Variants in SCRIB observed in about 807,000 individuals in gnomAD.
SCRIB encodes the protein scribble planar cell polarity protein.
A neutral mutation model predicts 170.0 loss-of-function variants in SCRIB; 72 were observed. The ratio of observed to expected loss-of-function variants is 0.42; its 90% confidence interval spans 0.35 to 0.52. The LOEUF (loss-of-function observed/expected upper bound fraction) is 0.52. Ranked by LOEUF, SCRIB falls within the 20% of genes least tolerant of loss-of-function variation. The probability of loss-of-function intolerance (pLI) is 0.02; values close to 1 mark genes in which losing one functional copy is unlikely to be tolerated. For missense variants in SCRIB, 2,475 were observed against 2,338.5 expected (o/e 1.06, Z -1.20); for synonymous variants, 1,298 against 1,044.3 (o/e 1.24, Z -4.68).
chr8:143,795,644 T>C lies in SCRIB; in HGVS notation c.3604-114A>G. ...AGCAACGGTGAGCCCAGGAGCCGCG[T>C]CCCTGGGCAGGGCTGACCGCGTGGC... On this transcript the variant is annotated intron_variant, in intron 24 of 36. Transcript: ENST00000356994. 4.4e-6 allele frequency: 4 copies of C among 915,424 alleles called. No individual in the cohort carries two copies. In the Admixed American group the frequency reaches 8.2e-5, roughly 19 times the overall value. 56.7% of individuals were successfully genotyped at this position (915,424 alleles called of 1,614,324 possible). A position where few individuals can be genotyped will look rare whatever the true frequency, so the allele number is the denominator to read the frequency against.
chr8:143,792,358 C>T lies in SCRIB; in HGVS notation c.4376G>A (p.Arg1459Gln), dbSNP rs781935592. Residue 1459 changes from arginine (R) to glutamine (Q), a missense_variant, in exon 32 of 37, where the codon CGG (arginine) becomes CAG (glutamine). Arg to Gln is a conservative substitution (Grantham distance 43). Around this residue, in one of 3 missense-constraint regions of SCRIB, gnomAD observed 1,966 missense variants for 1,742.9 expected, o/e 1.13. Coordinates refer to ENST00000356994, the MANE Select transcript of SCRIB (RefSeq NM_182706.5). ...PPPLGGGAPV[R>Q]TAKAERRHQE... The stretch of plus-strand genomic sequence containing the variant: ...GTGGCGCCGTTCAGCTTTGGCCGTC[C>T]GCACCGGGGCGCCACCTCCCAGGGG... 9.8e-6 allele frequency: 15 copies of T among 1,528,932 alleles called. No individual in the cohort carries two copies. The highest frequency in any genetic ancestry group is 7.3e-5 in the South Asian group (6 of 82,668). 94.7% of individuals were successfully genotyped at this position (1,528,932 alleles called of 1,614,324 possible). A position where few individuals can be genotyped will look rare whatever the true frequency, so the allele number is the denominator to read the frequency against.
At chr8:143,795,674 G>A in intron 24 of SCRIB, 144 bp from the exon 25 acceptor site, 1 of 712,340 alleles carries the variant, frequency 1.4e-6, no homozygotes, top group Non-Finnish European at 2.4e-6. Flanking sequence ...CGTGGCTGGG[G>A]CAGCCTTGGA....
chr8:143,814,810 T>C (rs1815981525), intron 1 of SCRIB: 2 of 203,408 alleles, frequency 9.8e-6, no homozygotes, highest in African/African-American at 4.6e-5. Flanking sequence ...AAAGAGTACA[T>C]CAAGAGGGCT....
At chr8:143,814,342 C>A (rs184897358) in intron 1 of SCRIB, among the ~76,000 whole-genome samples, 14 of 152,140 alleles carry the variant, frequency 9.2e-5, no homozygotes, top group Admixed American at 6.5e-4. Flanking sequence ...TCACACCAGC[C>A]TCCACTCTGA....
In SCRIB at chr8:143,805,439, C is replaced by T. The variant is rs782195801; in HGVS notation, c.2347-4G>A. On this transcript the variant is annotated splice_region_variant and splice_polypyrimidine_tract_variant and intron_variant, in intron 18 of 36. Coordinates refer to ENST00000356994, the MANE Select transcript of SCRIB (RefSeq NM_182706.5). Reference sequence around the variant, plus strand: ...CCTGCAGAGCCACACCATTCACCTGCGGGCCAGGGACCACGTGCGTATTCA... The same window carrying T: ...CCTGCAGAGCCACACCATTCACCTGTGGGCCAGGGACCACGTGCGTATTCA... The T allele has an allele frequency of 6.9e-5, 102 of 1,484,128 alleles. No homozygotes were observed. The highest frequency in any genetic ancestry group is 8.3e-5 in the Non-Finnish European group (93 of 1,119,358). The allele number at this position is 1,484,128 out of a possible 1,614,324, so 91.9% of individuals were successfully genotyped here.
intron 24 of SCRIB, among the ~76,000 whole-genome samples, chr8:143,800,385 A>G (rs1166074796): frequency 6.6e-6 from 1 of 152,190 alleles, no homozygotes; most frequent in Non-Finnish European, 1.5e-5. Context: ...AGTCCCTCAG[A>G]GCTGAGCACA....
intron 24 of SCRIB, 143 bp downstream of exon 24, chr8:143,803,240 C>G: frequency 1.3e-6 from 1 of 794,424 alleles, no homozygotes. Flanking sequence ...CTCCCCAGCC[C>G]GCACGGCTGA....
In SCRIB at chr8:143,793,052, G is replaced by A. The variant is rs1159063077; in HGVS notation, c.3941C>T (p.Pro1314Leu). The change falls in exon 29 of 37, where the codon CCC becomes CTC. Residue 1314 changes from proline to leucine, a missense_variant. Physicochemically the swap from Pro to Leu is moderately conservative, Grantham distance 98 (BLOSUM62 -3). Transcript: ENST00000356994. ...PPSPPSPDEL[P>L]ANVKQAYRAF... ...CCTGTAGGCCTGCTTCACATTGGCG[G>A]GCAGCTCATCCGGAGAAGGCGGGGA... The A allele has an allele frequency of 7.3e-6, 11 of 1,498,464 alleles. 1 individual carries two copies. The highest frequency in any genetic ancestry group is 1.4e-5 in the African/African-American group (1 of 70,940). 92.8% of individuals were successfully genotyped at this position (1,498,464 alleles called of 1,614,324 possible). A position where few individuals can be genotyped will look rare whatever the true frequency, so the allele number is the denominator to read the frequency against.
chr8:143,800,152 G>A (rs1815115016), intron 24 of SCRIB, among the ~76,000 whole-genome samples: 1 of 151,876 alleles, frequency 6.6e-6, no homozygotes, highest in East Asian at 1.9e-4. Flanking sequence ...ACATGGCGTG[G>A]ACTCCTGATG....
In SCRIB at chr8:143,809,687, C is replaced by T; in HGVS notation, c.1562G>A (p.Ser521Asn). 1 of 1,610,624 alleles carries T rather than the reference C, an allele frequency of 6.2e-7. No individual in the cohort carries two copies. The highest frequency in any genetic ancestry group is 8.5e-7 in the Non-Finnish European group (1 of 1,179,906). ...EKRLSAESGLSEDSRPSASTV... is the reference protein window; with the variant it reads ...EKRLSAESGLNEDSRPSASTV... ...GCTGGCAGATGGGCGAGAGTCTTCACTCAGGCCAGACTCGGCACTCAGCCG... is the reference window on the plus strand; with the variant it reads ...GCTGGCAGATGGGCGAGAGTCTTCATTCAGGCCAGACTCGGCACTCAGCCG... Residue 521 changes from serine (S) to asparagine (N), a missense_variant, in exon 14 of 37, where the codon AGT (serine) becomes AAT (asparagine). This residue lies in a region of SCRIB where 1,966 missense variants were observed against 1,742.9 expected (regional missense o/e 1.13). Transcript: ENST00000356994.
chr8:143,796,862 G>A (rs546785647), intron 24 of SCRIB, among the ~76,000 whole-genome samples: 9 of 152,296 alleles, frequency 5.9e-5, no homozygotes, highest in Admixed American at 5.9e-4. Context: ...ATGTCAGAGA[G>A]AGCTGTTCAA....
chr8:143,805,270 C>T lies in SCRIB; in HGVS notation c.2512G>A (p.Glu838Lys), dbSNP rs782353540. The T allele has an allele frequency of 6.4e-7, 1 of 1,554,188 alleles. No individual in the cohort carries two copies. Residue 838 changes from glutamate (E) to lysine (K), a missense_variant, in exon 19 of 37, where the codon GAG becomes AAG. Glu to Lys is a moderately conservative substitution (Grantham distance 56). Coordinates refer to ENST00000356994, the MANE Select transcript of SCRIB (RefSeq NM_182706.5). ...LRPEDDYSPR[E>K]RRGGGLRLPL... ...AGGCGCAGCCCCCCTCCCCGCCGCT[C>T]TCGGGGGCTGTAATCATCCTCGGGC... is the stretch of plus-strand genomic sequence containing the variant.
chr8:143,802,023 G>A (rs1333266041), intron 24 of SCRIB, among the ~76,000 whole-genome samples: 3 of 152,232 alleles, frequency 2.0e-5, no homozygotes, highest in South Asian at 2.1e-4. Flanking sequence ...GAGGGAGCTC[G>A]CTCCCTCTCT....
intron 11 of SCRIB, 27 bp from the exon 12 acceptor site, chr8:143,810,843 G>A (rs771266507): frequency 1.2e-6 from 2 of 1,605,110 alleles, no homozygotes; most frequent in Non-Finnish European, 1.7e-6. Context: ...TCAGGACCCA[G>A]GCTAGTCCCC....
chr8:143,806,882 C>A, intron 17 of SCRIB, 42 bp downstream of exon 17: 1 of 1,366,126 alleles, frequency 7.3e-7, no homozygotes, highest in Non-Finnish European at 1.0e-6. Context: ...TGTGGTGGGG[C>A]AGGCCAGTGG....
At chr8:143,805,925 G>A (rs1815403910) in intron 18 of SCRIB, among the ~76,000 whole-genome samples, 1 of 152,198 alleles carries the variant, frequency 6.6e-6, no homozygotes, top group African/African-American at 2.4e-5. Flanking sequence ...CCCTCAGTGT[G>A]TCCCTACAAG....
chr8:143,814,172 A>G, intron 1 of SCRIB, 54 bp from the exon 2 acceptor site: 3 of 1,424,486 alleles, frequency 2.1e-6, no homozygotes, highest in Middle Eastern at 2.1e-4. Flanking sequence ...AGAGCAGAGA[A>G]GAGCTCCTGG....
In SCRIB at chr8:143,792,070, GC is replaced by G; in HGVS notation, c.4577del (p.Gly1526AlafsTer73). 1 of 1,594,564 alleles carries G rather than the reference GC, an allele frequency of 6.3e-7. No homozygotes were observed. The highest frequency in any genetic ancestry group is 8.5e-7 in the Non-Finnish European group (1 of 1,175,994). The stretch of plus-strand genomic sequence containing the variant: ...GCTCCAGGGGCCCCCGCGTGCCCCG[GC>G]CTTCCTGGGACCTGCTGAGGACCAT... ...AQMVLSRSQE[G>X]RGTRGPLERL... On this transcript the variant is annotated frameshift_variant, in exon 33 of 37. Transcript: ENST00000356994. LOFTEE classifies it high-confidence loss of function.
intron 30 of SCRIB, 34 bp from the exon 31 acceptor site, chr8:143,792,669 G>T (rs1449798683): frequency 6.3e-7 from 1 of 1,591,622 alleles, no homozygotes; most frequent in Non-Finnish European, 8.5e-7. Flanking sequence ...GGCCAGACCA[G>T]CCGAGACCCA....
Sources: allele counts gnomAD v4.1 joint callset (sites outside exome capture counted in the v4.1 genomes callset), GRCh38; gene constraint gnomAD v4.1.1; regional missense constraint gnomAD v4.1.1; transcripts MANE v1.5; gene names NCBI Gene and HGNC (gene_info 2026-07-23, HGNC 2026-07-21).